ADAMTS17: variants seen among roughly 807,000 people sequenced by gnomAD.
The protein encoded by ADAMTS17 is ADAM metallopeptidase with thrombospondin type 1 motif 17, also known as A disintegrin and metalloproteinase with thrombospondin motifs 17.
In ADAMTS17, 113 loss-of-function variants were observed where a neutral mutation model predicts 141.5. That is an observed-to-expected ratio of 0.80 (90% confidence interval 0.69 to 0.93). The LOEUF (loss-of-function observed/expected upper bound fraction) is 0.93. Among genes scored for constraint, ADAMTS17 ranks in the 40% least tolerant of loss-of-function variants. The probability of loss-of-function intolerance (pLI) is 0.00; values close to 1 mark genes in which losing one functional copy is unlikely to be tolerated. For missense variants in ADAMTS17, 1,659 were observed against 1,517.9 expected (o/e 1.09, Z -1.54); for synonymous variants, 768 against 630.6 (o/e 1.22, Z -3.27).
intron 9 of ADAMTS17, among the ~76,000 whole-genome samples, chr15:100,154,803 G>A (rs2039351845): frequency 6.6e-6 from 1 of 152,138 alleles, no homozygotes; most frequent in Non-Finnish European, 1.5e-5. Flanking sequence ...CCCTCTCTAG[G>A]CAAGCGGCCT....
At chr15:99,989,313 G>A (rs888652711) in intron 20 of ADAMTS17, among the ~76,000 whole-genome samples, 1 of 152,240 alleles carries the variant, frequency 6.6e-6, no homozygotes, top group Non-Finnish European at 1.5e-5. Flanking sequence ...TGTGGCCCAA[G>A]CCTAGAACTG....
chr15:100,316,045 A>G (rs1596506358), intron 3 of ADAMTS17, among the ~76,000 whole-genome samples: 2 of 152,276 alleles, frequency 1.3e-5, no homozygotes, highest in African/African-American at 4.8e-5. Flanking sequence ...AATATGGCAT[A>G]GATCAACAGG....
chr15:100,151,433 G>T (rs1043596550), intron 10 of ADAMTS17, among the ~76,000 whole-genome samples: 6 of 152,180 alleles, frequency 3.9e-5, no homozygotes, highest in Non-Finnish European at 1.5e-5. Flanking sequence ...GTCTCCAGGA[G>T]TCTGGGCTAA....
At position 100,281,328 on chromosome 15, in the gene ADAMTS17, G is replaced by A. The variant is rs143247183; in HGVS notation, c.690C>T (p.Ser230=). ...RERRNAIRLT[S]EHTVETLVVA... ...CCACCAGGGTCTCCACCGTGTGCTC[G>A]CTGGTGAGCCGGATAGCGTTCCTCC... is the stretch of plus-strand genomic sequence containing the variant. The change falls in exon 4 of 22, where the codon AGC becomes AGT. Residue 230 remains serine (S), a synonymous_variant. Transcript: ENST00000268070. The A allele has an allele frequency of 2.4e-5, 38 of 1,610,492 alleles. No homozygotes were observed. The highest frequency in any genetic ancestry group is 1.7e-4 in the Middle Eastern group (1 of 5,812).
chr15:100,062,035 G>T (rs1183878958), intron 15 of ADAMTS17, among the ~76,000 whole-genome samples: 1 of 152,234 alleles, frequency 6.6e-6, no homozygotes, highest in Admixed American at 6.5e-5. Context: ...AGTAAAAAGA[G>T]GCTGTCACTT....
At chr15:99,983,228 CT>C (rs1373660642) in intron 20 of ADAMTS17, among the ~76,000 whole-genome samples, 1 of 152,160 alleles carries the variant, frequency 6.6e-6, no homozygotes, top group Admixed American at 6.5e-5. Flanking sequence ...TACGTACGAG[CT>C]TGTTAATCCT....
chr15:100,169,414 G>A (rs1468462740), intron 8 of ADAMTS17, among the ~76,000 whole-genome samples: 1 of 152,142 alleles, frequency 6.6e-6, no homozygotes, highest in East Asian at 1.9e-4. Context: ...CCACCAAGTG[G>A]GGAGTACCTG....
chr15:100,171,818 AC>A (rs1375737391), intron 8 of ADAMTS17, among the ~76,000 whole-genome samples: 2 of 152,226 alleles, frequency 1.3e-5, no homozygotes, highest in Non-Finnish European at 2.9e-5. Flanking sequence ...AACGGACCCA[AC>A]AAAATAAAAA....
chr15:100,274,385 T>C (rs1240038302), intron 4 of ADAMTS17, among the ~76,000 whole-genome samples: 1 of 152,256 alleles, frequency 6.6e-6, no homozygotes, highest in African/African-American at 2.4e-5. Flanking sequence ...CTGTTATATC[T>C]TCTTATATAT....
intron 18 of ADAMTS17, among the ~76,000 whole-genome samples, chr15:100,032,453 C>G (rs1195057085): frequency 1.3e-5 from 2 of 152,222 alleles, no homozygotes; most frequent in Non-Finnish European, 2.9e-5. Context: ...CAACTAACTA[C>G]AGCATTCTGA....
intron 14 of ADAMTS17, among the ~76,000 whole-genome samples, chr15:100,102,720 C>A (rs2036192989): frequency 6.6e-6 from 1 of 152,216 alleles, no homozygotes; most frequent in Non-Finnish European, 1.5e-5. Context: ...GAAGGCTGGG[C>A]ACCGTCCTCA....
chr15:100,100,766 G>C (rs1482892155), intron 14 of ADAMTS17, among the ~76,000 whole-genome samples: 7 of 152,084 alleles, frequency 4.6e-5, no homozygotes, highest in African/African-American at 1.7e-4. Flanking sequence ...CACAAAAAGA[G>C]AGATAAGATC....
chr15:100,174,212 C>T (rs1320174594), intron 8 of ADAMTS17, among the ~76,000 whole-genome samples: 1 of 152,206 alleles, frequency 6.6e-6, no homozygotes, highest in East Asian at 1.9e-4. Flanking sequence ...TGGTTAAAGT[C>T]AACATTCTCA....
intron 12 of ADAMTS17, among the ~76,000 whole-genome samples, chr15:100,127,227 C>G (rs758325610): frequency 1.3e-5 from 2 of 152,094 alleles, no homozygotes; most frequent in Non-Finnish European, 2.9e-5. Flanking sequence ...AGGGCCTTGG[C>G]AGATGTAATT....
chr15:100,090,318 T>C (rs1202700148), intron 15 of ADAMTS17, among the ~76,000 whole-genome samples: 1 of 152,168 alleles, frequency 6.6e-6, no homozygotes, highest in African/African-American at 2.4e-5. Flanking sequence ...CAAGATCCGC[T>C]TGTGGGGGAT....
intron 3 of ADAMTS17, among the ~76,000 whole-genome samples, chr15:100,290,568 A>G (rs2044595312): frequency 6.6e-6 from 1 of 152,234 alleles, no homozygotes; most frequent in Non-Finnish European, 1.5e-5. Context: ...CTAAGCAAAA[A>G]GAACAAAGAA....
intron 18 of ADAMTS17, among the ~76,000 whole-genome samples, chr15:100,040,676 G>C (rs1253081180): frequency 7.7e-6 from 1 of 129,394 alleles, no homozygotes; most frequent in Non-Finnish European, 1.5e-5. Flanking sequence ...ATGGTCAAAT[G>C]ACCAAAAAAA....
At chr15:99,977,852 T>A (rs891479183) in intron 20 of ADAMTS17, among the ~76,000 whole-genome samples, 8 of 152,148 alleles carry the variant, frequency 5.3e-5, no homozygotes, top group Non-Finnish European at 7.4e-5. Flanking sequence ...CTCCCTTACA[T>A]TGGCCTCTTC....
chr15:100,195,520 TCATTTTCA>T (rs148469740), intron 8 of ADAMTS17, among the ~76,000 whole-genome samples: 3,997 of 151,058 alleles, frequency 0.026, 170 homozygotes, highest in African/African-American at 0.089. Flanking sequence ...GAACTATTGA[TCATTTTCA>T]CATTTTCACA....
Sources: gnomAD v4.1 joint callset for allele counts (sites outside exome capture counted in the v4.1 genomes callset) on GRCh38, gnomAD v4.1.1 for gene constraint, MANE v1.5 for transcripts, NCBI Gene and HGNC (gene_info 2026-07-23, HGNC 2026-07-21) for gene names.